The following FBXO7 variants were observed in gnomAD, a reference collection of about 807,000 sequenced individuals.
FBXO7 encodes the protein F-box protein 7.
A neutral mutation model predicts 50.2 loss-of-function variants in FBXO7; 31 were observed. The observed-to-expected ratio is 0.62, with a 90% CI of 0.46 to 0.83. FBXO7 has a LOEUF of 0.83. Ranked by LOEUF, FBXO7 falls within the 40% of genes least tolerant of loss-of-function variation. The pLI, the probability that FBXO7 is intolerant of heterozygous loss-of-function variation, is 0.00. For synonymous variants in FBXO7, 256 were observed against 253.1 expected (o/e 1.01, Z -0.11); for missense variants, 667 against 646.6 (o/e 1.03, Z -0.34).
rs9621465 is a variant in FBXO7 at position 32,487,375 on chromosome 22, G to C, written c.788-370G>C. 8.4e-3 allele frequency: 1,545 copies of C among 184,818 alleles called. 17 individuals carry two copies. Among genetic ancestry groups the C allele is most frequent in the African/African-American group, 0.035 (1,457 of 42,046 alleles). 11.4% of individuals were successfully genotyped at this position (184,818 alleles called of 1,614,324 possible). ...TGAACAAAGGAAGACTCATTGCCAA[G>C]GGTTAAATAAAAAATAAATGGAGTT... On this transcript the variant is annotated intron_variant, in intron 4 of 8. Transcript: ENST00000266087.
At chr22:32,490,792 A>G (rs1462152168) in intron 5 of FBXO7, 2 of 375,302 alleles carry the variant, frequency 5.3e-6, no homozygotes, top group South Asian at 2.5e-5. Flanking sequence ...GCTATCAGGA[A>G]ATCTTCGTAT....
rs547045821 is a variant in FBXO7 at position 32,478,726 on chromosome 22, C to T, written c.123-255C>T. Among the ~76,000 whole-genome samples, 16 of 152,064 alleles carry T rather than the reference C, an allele frequency of 1.1e-4. 1 individual carries two copies. The East Asian group carries it at 2.1e-3, about 20-fold the overall frequency. On this transcript the variant is annotated intron_variant, in intron 1 of 8. Coordinates refer to ENST00000266087, the MANE Select transcript of FBXO7 (RefSeq NM_012179.4). ...CAGAGTGAGACTCTGTCTCTAAAAA[C>T]AAACGAAAACAAAAACAAAAATGTA...
At chr22:32,490,490 G>T (rs5749450) in intron 5 of FBXO7, 98,165 of 152,480 alleles carry the variant, frequency 0.64, 31,934 homozygotes, top group African/African-American at 0.73. Context: ...TCGCCCACAT[G>T]TTGAGTAGCA....
intron 6 of FBXO7, chr22:32,492,496 A>G (rs548471512): frequency 6.6e-6 from 1 of 152,502 alleles, no homozygotes; most frequent in East Asian, 1.9e-4. Context: ...GAATTTATCT[A>G]TCTCTTTTTA....
Position 32,475,229 on chromosome 22 carries a change from G to C in FBXO7, c.122+105G>C, listed in dbSNP as rs1395168026. 7.9e-6 allele frequency: 12 copies of C among 1,517,964 alleles called. No homozygotes were observed. The South Asian group carries it at 1.2e-4, about 16-fold the overall frequency. The allele number at this position is 1,517,964 out of a possible 1,614,324, so 94.0% of individuals were successfully genotyped here. A position where few individuals can be genotyped will look rare whatever the true frequency, so the allele number is the denominator to read the frequency against. On this transcript the variant is annotated intron_variant, in intron 1 of 8. Coordinates refer to ENST00000266087, the MANE Select transcript of FBXO7 (RefSeq NM_012179.4). ...GTGGGCTGCAGGCGCGGGCGTGGCCGGGCGATAGGCCAAGTGCGGGGACGC... is the reference window on the plus strand; with the variant it reads ...GTGGGCTGCAGGCGCGGGCGTGGCCCGGCGATAGGCCAAGTGCGGGGACGC...
intron 3 of FBXO7, among the ~76,000 whole-genome samples, chr22:32,484,406 C>G (rs147299941): frequency 1.3e-5 from 2 of 152,100 alleles, no homozygotes; most frequent in Non-Finnish European, 1.5e-5. Context: ...TAGAATGGAC[C>G]GTGAACTTCT....
chr22:32,493,076 A>G (rs777219226), intron 6 of FBXO7, 29 bp from the exon 7 acceptor site: 76 of 1,609,696 alleles, frequency 4.7e-5, no homozygotes, highest in Middle Eastern at 1.6e-4. Flanking sequence ...ACTCAGTAAT[A>G]CCTGTTACTT....
At chr22:32,475,444 G>A in intron 1 of FBXO7, 1 of 1,605,890 alleles carries the variant, frequency 6.2e-7, no homozygotes, top group Non-Finnish European at 8.5e-7. Context: ...CCAGGGAGAG[G>A]AGGGAACGCA....
intron 1 of FBXO7, among the ~76,000 whole-genome samples, chr22:32,477,184 A>G (rs1036926505): frequency 6.6e-6 from 1 of 152,214 alleles, no homozygotes; most frequent in African/African-American, 2.4e-5. Flanking sequence ...AATAGCTTCT[A>G]TTTCAGTAAT....
chr22:32,480,864 C>G (rs1417946908), intron 2 of FBXO7, among the ~76,000 whole-genome samples: 1 of 152,108 alleles, frequency 6.6e-6, no homozygotes, highest in Non-Finnish European at 1.5e-5. Flanking sequence ...TGGGGTTTCA[C>G]CATGTTGCTC....
chr22:32,491,620 C>CAT (rs145778211), intron 6 of FBXO7: 760 of 21,964 alleles, frequency 0.035, 20 homozygotes, highest in African/African-American at 0.12. Flanking sequence ...TCTATATAGA[C>CAT]ATATATAAAT....
At chr22:32,475,158 G>T (rs921860070) in intron 1 of FBXO7, 34 bp downstream of exon 1, 4 of 1,530,676 alleles carry the variant, frequency 2.6e-6, no homozygotes, top group East Asian at 5.0e-5. Context: ...GGCCCGCGGG[G>T]AGTGGGGAGT....
chr22:32,487,034 G>C (rs2095353651), intron 4 of FBXO7, among the ~76,000 whole-genome samples: 2 of 115,434 alleles, frequency 1.7e-5, no homozygotes, highest in South Asian at 7.5e-4. Context: ...TGAATGTCTT[G>C]ATGATTTCCT....
intron 4 of FBXO7, among the ~76,000 whole-genome samples, chr22:32,486,941 A>AT (rs1456374858): frequency 1.3e-5 from 2 of 152,216 alleles, no homozygotes; most frequent in Non-Finnish European, 2.9e-5. Flanking sequence ...TTTTGCCTTG[A>AT]TTTTTTATAA....
intron 2 of FBXO7, among the ~76,000 whole-genome samples, chr22:32,482,358 T>A (rs1378388027): frequency 6.6e-6 from 1 of 152,146 alleles, no homozygotes; most frequent in African/African-American, 2.4e-5. Context: ...CCCCTCCATT[T>A]CTCCAACCTT....
chr22:32,496,165 A>G (rs1252334497), intron 8 of FBXO7, among the ~76,000 whole-genome samples: 2 of 152,212 alleles, frequency 1.3e-5, no homozygotes, highest in African/African-American at 4.8e-5. Context: ...ACCATTCTGA[A>G]AATCCTAGGG....
In FBXO7 at chr22:32,498,416, T is replaced by A; in HGVS notation, c.1455T>A (p.Val485=). Residue 485 remains valine (V), a synonymous_variant, in exon 9 of 9, where the codon GTT becomes GTA. Transcript: ENST00000266087. ...CACTGAGACCACGCTTTGATCCAGT[T>A]GGCCCACTTCCAGGACCTAACCCCA... The part of the protein sequence containing the change: ...FPPLRPRFDP[V]GPLPGPNPIL... 1.1e-5 allele frequency: 17 copies of A among 1,614,170 alleles called. No individual in the cohort carries two copies. Among genetic ancestry groups the A allele is most frequent in the Non-Finnish European group, 1.4e-5 (17 of 1,180,028 alleles).
intron 5 of FBXO7, chr22:32,488,111 T>C (rs2057510907): frequency 3.6e-5 from 12 of 334,292 alleles, no homozygotes; most frequent in South Asian, 3.3e-4. Context: ...CTGATGATAG[T>C]TCATAGTTTC....
At chr22:32,486,156 A>T (rs1332262740) in intron 4 of FBXO7, among the ~76,000 whole-genome samples, 1 of 151,960 alleles carries the variant, frequency 6.6e-6, no homozygotes, top group Non-Finnish European at 1.5e-5. Flanking sequence ...CCCTATCACC[A>T]CTTAAACCTT....
Sources: allele counts gnomAD v4.1 joint callset (sites outside exome capture counted in the v4.1 genomes callset), GRCh38; gene constraint gnomAD v4.1.1; transcripts MANE v1.5; gene names NCBI Gene and HGNC (gene_info 2026-07-23, HGNC 2026-07-21).